The following JPH2 variants were observed in gnomAD, a reference collection of about 807,000 sequenced individuals.
JPH2 encodes junctophilin-2.
A neutral mutation model predicts 55.9 loss-of-function variants in JPH2; 38 were observed. The observed-to-expected ratio is 0.68, with a 90% CI of 0.52 to 0.89. JPH2 has a LOEUF of 0.89. JPH2 is among the 40% of genes least tolerant of loss of function. JPH2 has a pLI of 0.00. For missense variants in JPH2, 964 were observed against 1,037.6 expected (o/e 0.93, Z 0.97); for synonymous variants, 480 against 472.4 (o/e 1.02, Z -0.21).
chr20:44,135,014 G>C (rs187436777), intron 2 of JPH2, among the ~76,000 whole-genome samples: 82 of 147,094 alleles, frequency 5.6e-4, no homozygotes, highest in Non-Finnish European at 8.6e-4. Flanking sequence ...AATACCAAGA[G>C]GGGTAGGGGG....
chr20:44,132,355 G>GAC (rs749014190), intron 2 of JPH2, among the ~76,000 whole-genome samples: 11,514 of 100,648 alleles, frequency 0.11, 717 homozygotes, highest in Middle Eastern at 0.17. Context: ...CAGACAGACA[G>GAC]ACACACACAC....
At chr20:44,162,568 G>A (rs2072618456) in intron 1 of JPH2, among the ~76,000 whole-genome samples, 1 of 151,422 alleles carries the variant, frequency 6.6e-6, no homozygotes, top group Admixed American at 6.6e-5. Context: ...AGCCTAGACT[G>A]GCTTAGCCTC....
At position 44,115,763 on chromosome 20, in the gene JPH2, G is replaced by C. The variant is rs774307407; in HGVS notation, c.1912C>G (p.Arg638Gly). Reference sequence around the variant, plus strand: ...GTCAGCCCTCGAGCCTCAGTCTTGCGGGCCTTGGCCCTGGGCTCGGCTTTG... The same window carrying C: ...GTCAGCCCTCGAGCCTCAGTCTTGCCGGCCTTGGCCCTGGGCTCGGCTTTG... ...IPKAEPRAKA[R>G]KTEARGLTKA... Residue 638 changes from arginine (R) to glycine (G), a missense_variant, in exon 4 of 6, where the codon CGC becomes GGC. Arg to Gly is a moderately radical substitution (Grantham distance 125, BLOSUM62 -2). Transcript: ENST00000372980. 2 of 1,612,516 alleles carry C rather than the reference G, an allele frequency of 1.2e-6. No homozygotes were observed. Among genetic ancestry groups the C allele is most frequent in the South Asian group, 2.2e-5 (2 of 91,074 alleles).
At chr20:44,142,122 G>T (rs534462608) in intron 2 of JPH2, among the ~76,000 whole-genome samples, 25 of 152,280 alleles carry the variant, frequency 1.6e-4, no homozygotes, top group African/African-American at 4.8e-4. Context: ...GGTGAGGAAA[G>T]GCCCCCAGGA....
At chr20:44,168,011 C>G (rs754445686) in intron 1 of JPH2, among the ~76,000 whole-genome samples, 7 of 152,096 alleles carry the variant, frequency 4.6e-5, no homozygotes, top group Non-Finnish European at 1.0e-4. Context: ...TGCCCCAGGT[C>G]TTGAGTGGCA....
At chr20:44,180,174 C>T (rs768950643) in intron 1 of JPH2, among the ~76,000 whole-genome samples, 6 of 152,246 alleles carry the variant, frequency 3.9e-5, no homozygotes, top group East Asian at 3.9e-4. Context: ...GCCAAGATTG[C>T]GCCATTGTAC....
At chr20:44,176,785 C>A in intron 1 of JPH2, 2 of 834,202 alleles carry the variant, frequency 2.4e-6, no homozygotes, top group Non-Finnish European at 2.9e-6. Flanking sequence ...CAGAGCAAGA[C>A]CCTGTTAAAA....
In JPH2 at chr20:44,116,268, G is replaced by T; in HGVS notation, c.1407C>A (p.Ser469Arg). The T allele has an allele frequency of 1.3e-6, 2 of 1,526,342 alleles. No homozygotes were observed. 94.5% of individuals were successfully genotyped at this position (1,526,342 alleles called of 1,614,324 possible). A position where few individuals can be genotyped will look rare whatever the true frequency, so the allele number is the denominator to read the frequency against. The change falls in exon 4 of 6, where the codon AGC becomes AGA. Residue 469 changes from serine to arginine, a missense_variant. Transcript: ENST00000372980. ...GGGTCTCACGCTCGTGCAGCTGCGG[G>T]CTCTCGCGGGGCGGCTGTGGGAGGC... is the stretch of plus-strand genomic sequence containing the variant. ...AAGLPQPPRE[S>R]PQLHERETPR...
chr20:44,129,552 C>CAAAAAA lies in JPH2; in HGVS notation c.1170-10935_1170-10930dup, dbSNP rs1208567536. On this transcript the variant is annotated intron_variant, in intron 2 of 5. Transcript: ENST00000372980. The stretch of plus-strand genomic sequence containing the variant: ...CCTGGGCAACAGAGCCAGGCTGTCT[C>CAAAAAA]AAAAAAAAAAAAAAAAACAAAAAAA... Among the ~76,000 whole-genome samples, 12 of 45,228 alleles carry CAAAAAA rather than the reference C, an allele frequency of 2.7e-4. 1 individual carries two copies. Among genetic ancestry groups the CAAAAAA allele is most frequent in the Non-Finnish European group, 3.2e-4 (7 of 21,926 alleles). 29.7% of individuals were successfully genotyped at this position (45,228 alleles called of 152,430 possible).
chr20:44,177,992 A>T, intron 1 of JPH2: 2 of 977,282 alleles, frequency 2.0e-6, no homozygotes, highest in East Asian at 4.8e-5. Context: ...AAAAGGAAAC[A>T]GAAGCTCAGG....
intron 5 of JPH2, 141 bp from the exon 6 acceptor site, chr20:44,113,644 C>A (rs1402264230): frequency 2.0e-5 from 3 of 152,560 alleles, no homozygotes; most frequent in African/African-American, 7.2e-5. Flanking sequence ...CAGCCCTGTC[C>A]CTTGATTCTG....
chr20:44,126,438 G>C (rs968654143), intron 2 of JPH2, among the ~76,000 whole-genome samples: 1 of 152,042 alleles, frequency 6.6e-6, no homozygotes. Context: ...GCTGCCCAGC[G>C]TCTTCCTGAG....
rs767514641 is a variant in JPH2 at position 44,116,312 on chromosome 20, G to T, written c.1363C>A (p.Arg455=). The T allele has an allele frequency of 1.1e-5, 17 of 1,542,886 alleles. No individual in the cohort carries two copies. The Admixed American group carries it at 2.4e-4, about 21-fold the overall frequency. The part of the protein sequence containing the change: ...NSESLLEPPD[R]GAGAAGLPQP... ...GGGAGGCCCGCTGCGCCGGCGCCCC[G>T]GTCGGGGGGCTCCAGCAGGCTCTCC... Residue 455 remains arginine, a synonymous_variant, in exon 4 of 6, where the codon CGG becomes AGG. Coordinates refer to ENST00000372980, the MANE Select transcript of JPH2 (RefSeq NM_020433.5).
chr20:44,146,200 AT>A (rs1223722944), intron 2 of JPH2, among the ~76,000 whole-genome samples: 3 of 151,596 alleles, frequency 2.0e-5, no homozygotes, highest in African/African-American at 7.3e-5. Flanking sequence ...CGCCCAGCTG[AT>A]TTTTTGTATT....
chr20:44,114,835 G>A lies in JPH2; in HGVS notation c.2052C>T (p.Asn684=), dbSNP rs779977095. Residue 684 remains asparagine, a synonymous_variant, in exon 5 of 6, where the codon AAC becomes AAT. Coordinates refer to ENST00000372980, the MANE Select transcript of JPH2 (RefSeq NM_020433.5). The stretch of plus-strand genomic sequence containing the variant: ...GAACAAAGAGGATGGCCAGGCCGAT[G>A]TTCAGCAGGATCACCATGCAGATGA... ...TILICMVILL[N]IGLAILFVHL... is the part of the protein sequence containing the mutation. 2.0e-5 allele frequency: 32 copies of A among 1,607,758 alleles called. No individual in the cohort carries two copies. The Admixed American group carries it at 5.4e-4, about 27-fold the overall frequency.
chr20:44,154,128 A>G (rs758990414), intron 2 of JPH2, among the ~76,000 whole-genome samples: 8 of 152,088 alleles, frequency 5.3e-5, no homozygotes, highest in East Asian at 1.9e-4. Context: ...AGTCTCCCCA[A>G]CTGCTCAGTG....
rs6017285 is a variant in JPH2, at chr20:44,181,555, C to G, written c.379+4772G>C. ...TCTCCAGTTTGGAAGACTGCTGTTT[C>G]CTTTGTAGCATTTGACTGCAAGAAA... On this transcript the variant is annotated intron_variant, in intron 1 of 5. Coordinates refer to ENST00000372980, the MANE Select transcript of JPH2 (RefSeq NM_020433.5). 0.23 allele frequency among the ~76,000 whole-genome samples: 34,391 copies of G among 152,176 alleles called. 5,347 individuals are homozygous for G. The highest frequency in any genetic ancestry group is 0.44 in the African/African-American group (18,468 of 41,506).
intron 2 of JPH2, among the ~76,000 whole-genome samples, chr20:44,158,539 G>A (rs547331136): frequency 6.6e-6 from 1 of 152,326 alleles, no homozygotes; most frequent in Admixed American, 6.5e-5. Flanking sequence ...GTCCATATTT[G>A]TGAACCACTT....
intron 1 of JPH2, among the ~76,000 whole-genome samples, chr20:44,166,448 A>C (rs1209838503): frequency 6.6e-6 from 1 of 152,240 alleles, no homozygotes; most frequent in Non-Finnish European, 1.5e-5. Flanking sequence ...GGGTTGGACA[A>C]CTTTATGAAA....
Sources: allele counts gnomAD v4.1 joint callset (sites outside exome capture counted in the v4.1 genomes callset), GRCh38; gene constraint gnomAD v4.1.1; transcripts MANE v1.5; gene names NCBI Gene and HGNC (gene_info 2026-07-23, HGNC 2026-07-21).